Variants in DPP9 observed in about 807,000 individuals in gnomAD.
DPP9 encodes dipeptidyl peptidase 9, also known as dipeptidyl peptidase IV-related protein-2.
DPP9 carries 50 observed loss-of-function variants against 110.7 expected under a neutral mutation model. The observed-to-expected ratio is 0.45, with a 90% CI of 0.36 to 0.57. The LOEUF (loss-of-function observed/expected upper bound fraction) is 0.57. Ranked by LOEUF, DPP9 falls within the 20% of genes least tolerant of loss-of-function variation. The pLI is 0.00. For synonymous variants in DPP9, 561 were observed against 514.4 expected (o/e 1.09, Z -1.23); for missense variants, 1,022 against 1,217.9 (o/e 0.84, Z 2.39).
In DPP9 at chr19:4,704,906, G is replaced by C. The variant is rs1009486117; in HGVS notation, c.427-602C>G. Among the ~76,000 whole-genome samples, 3 of 152,222 alleles carry C rather than the reference G, an allele frequency of 2.0e-5. No individual in the cohort carries two copies. Among genetic ancestry groups the C allele is most frequent in the African/African-American group, 7.2e-5 (3 of 41,458 alleles). ...CCCAGCTACTTGGGACGCTGAGGCAGAAGAATCACTTGAACCGGGAGGCAG... is the reference window on the plus strand; with the variant it reads ...CCCAGCTACTTGGGACGCTGAGGCACAAGAATCACTTGAACCGGGAGGCAG... On this transcript the variant is annotated intron_variant, in intron 5 of 21. Coordinates refer to ENST00000262960, the MANE Select transcript of DPP9 (RefSeq NM_139159.5). This position sits in a 1 kb window ranked among gnomAD's most constrained non-coding sequence, Gnocchi z 6.0.
Position 4,713,440 on chromosome 19 carries a change from C to T in DPP9, c.313+641G>A, listed in dbSNP as rs536948464. On this transcript the variant is annotated intron_variant, in intron 4 of 21. Coordinates refer to ENST00000262960, the MANE Select transcript of DPP9 (RefSeq NM_139159.5). Reference sequence around the variant, plus strand: ...CTCGTGGTGCAGAGGAGCCCAGTCCCGTGAGGCACTGCAGACGCTGCAGGA... The same window carrying T: ...CTCGTGGTGCAGAGGAGCCCAGTCCTGTGAGGCACTGCAGACGCTGCAGGA... Among the ~76,000 whole-genome samples, 8 of 152,348 alleles carry T rather than the reference C, an allele frequency of 5.3e-5. No individual in the cohort carries two copies. The South Asian group carries it at 6.2e-4, about 12-fold the overall frequency.
chr19:4,681,938 T>A lies in DPP9; in HGVS notation c.2474+758A>T, dbSNP rs561819276. Reference sequence around the variant, plus strand: ...ATCTCGGCTCACTGCAAGCTCCGCCTCCCGGGTTCACGCCATTCTCCTGCC... The same window carrying A: ...ATCTCGGCTCACTGCAAGCTCCGCCACCCGGGTTCACGCCATTCTCCTGCC... On this transcript the variant is annotated intron_variant, in intron 20 of 21. Coordinates refer to ENST00000262960, the MANE Select transcript of DPP9 (RefSeq NM_139159.5). 7.7e-5 allele frequency among the ~76,000 whole-genome samples: 11 copies of A among 142,668 alleles called. 1 individual carries two copies. Among genetic ancestry groups the A allele is most frequent in the African/African-American group, 2.9e-4 (11 of 38,108 alleles). 93.6% of individuals were successfully genotyped at this position (142,668 alleles called of 152,430 possible). A position where few individuals can be genotyped will look rare whatever the true frequency, so the allele number is the denominator to read the frequency against.
In DPP9 at chr19:4,685,738, A is replaced by C; in HGVS notation, c.1919T>G (p.Phe640Cys). 1 of 1,613,400 alleles carries C rather than the reference A, an allele frequency of 6.2e-7. No individual in the cohort carries two copies. ...CPPDYVPPEIFHFHTRSDVRL... is the reference protein window; with the variant it reads ...CPPDYVPPEICHFHTRSDVRL... ...CACATCCGAGCGCGTGTGGAAATGG[A>C]AGATCTCTGGAGGAACATAATCCGG... The change falls in exon 17 of 22, where the codon TTC becomes TGC. Residue 640 changes from phenylalanine to cysteine, a missense_variant. Phe to Cys is a radical substitution (Grantham distance 205, BLOSUM62 -2). This residue lies in a region of DPP9 where 810 missense variants were observed against 920.6 expected (regional missense o/e 0.88). Coordinates refer to ENST00000262960, the MANE Select transcript of DPP9 (RefSeq NM_139159.5). This position sits in a 1 kb window ranked among gnomAD's most constrained non-coding sequence, Gnocchi z 5.8.
intron 4 of DPP9, among the ~76,000 whole-genome samples, chr19:4,713,756 G>A (rs571245363): frequency 3.3e-5 from 5 of 152,292 alleles, no homozygotes; most frequent in African/African-American, 9.6e-5. Context: ...GGGTGGACCC[G>A]GCTGACTAGC....
At position 4,697,592 on chromosome 19, in the gene DPP9, C is replaced by T. The variant is rs2145638471; in HGVS notation, c.1134G>A (p.Val378=). 6.2e-7 allele frequency: 1 copy of T among 1,613,934 alleles called. No homozygotes were observed. The highest frequency in any genetic ancestry group is 8.5e-7 in the Non-Finnish European group (1 of 1,179,870). The change falls in exon 11 of 22, where the codon GTG becomes GTA. Residue 378 remains valine, a synonymous_variant. Transcript: ENST00000262960. ...VQPFSSLFPK[V]EYIARAGWTR... ...TCCACCCGGCCCTGGCGATGTACTC[C>T]ACCTTCGGGAACAGCGAGCTGAAGG...
Position 4,689,704 on chromosome 19 carries a change from T to C in DPP9, c.1615A>G (p.Thr539Ala). 2.6e-6 allele frequency: 4 copies of C among 1,551,968 alleles called. No individual in the cohort carries two copies. Among genetic ancestry groups the C allele is most frequent in the Non-Finnish European group, 3.5e-6 (4 of 1,147,178 alleles). ...HGSKIWVNEE[T>A]KLVYFQGTKD... ...GTGCCCTGGAAGTACACCAGCTTGG[T>C]CTCCTCATTGACCCAGATCTGCAGG... is the stretch of plus-strand genomic sequence containing the variant. The change falls in exon 15 of 22, where the codon ACC becomes GCC. Residue 539 changes from threonine (T) to alanine (A), a missense_variant. Physicochemically the swap from Thr to Ala is moderately conservative, Grantham distance 58 (BLOSUM62 0). Around this residue, in one of 3 missense-constraint regions of DPP9, gnomAD observed 810 missense variants for 920.6 expected, o/e 0.88. Coordinates refer to ENST00000262960, the MANE Select transcript of DPP9 (RefSeq NM_139159.5). The surrounding 1 kb of genome is among the most constrained non-coding windows in gnomAD (Gnocchi z 7.0).
intron 4 of DPP9, among the ~76,000 whole-genome samples, chr19:4,712,322 G>A (rs1357289721): frequency 6.6e-6 from 1 of 152,230 alleles, no homozygotes; most frequent in African/African-American, 2.4e-5. Context: ...GCTGAGGCAG[G>A]AGGACTGCTT....
At chr19:4,701,610 C>T (rs2092263425) in intron 9 of DPP9, among the ~76,000 whole-genome samples, 1 of 152,242 alleles carries the variant, frequency 6.6e-6, no homozygotes, top group South Asian at 2.1e-4. Flanking sequence ...GTGACATTTT[C>T]GCTAATATGA....
intron 7 of DPP9, among the ~76,000 whole-genome samples, chr19:4,703,304 C>T (rs990336398): frequency 3.3e-5 from 5 of 152,006 alleles, no homozygotes; most frequent in South Asian, 2.1e-4. Flanking sequence ...TCCAGAGCAC[C>T]GTGGCTGGGC....
chr19:4,692,240 A>G (rs1038386728), intron 13 of DPP9, among the ~76,000 whole-genome samples: 3 of 152,094 alleles, frequency 2.0e-5, no homozygotes, highest in African/African-American at 7.2e-5. Flanking sequence ...GTAAAGAATG[A>G]CAGTGCGGGG....
chr19:4,679,590 C>A, intron 21 of DPP9: 1 of 529,558 alleles, frequency 1.9e-6, no homozygotes, highest in South Asian at 2.2e-5. Context: ...GTGTGGCAGC[C>A]CCCGATCCCG....
At position 4,693,879 on chromosome 19, in the gene DPP9, C is replaced by T. The variant is rs946731015; in HGVS notation, c.1516+782G>A. On this transcript the variant is annotated intron_variant, in intron 13 of 21. Transcript: ENST00000262960. The surrounding 1 kb of genome is among the most constrained non-coding windows in gnomAD (Gnocchi z 5.0). Reference sequence around the variant, plus strand: ...AGCCACAGGGGCCTCCTCCCTATTCCTCCAACATGCCAGGAACAGTCCTGC... The same window carrying T: ...AGCCACAGGGGCCTCCTCCCTATTCTTCCAACATGCCAGGAACAGTCCTGC... 1.3e-5 allele frequency among the ~76,000 whole-genome samples: 2 copies of T among 152,082 alleles called. No homozygotes were observed. Among genetic ancestry groups the T allele is most frequent in the Admixed American group, 6.6e-5 (1 of 15,258 alleles).
chr19:4,702,825 G>A, intron 7 of DPP9, 109 bp from the exon 8 acceptor site: 1 of 141,736 alleles, frequency 7.1e-6, no homozygotes, highest in Non-Finnish European at 1.3e-5. Context: ...AAGGAGGGAA[G>A]GAAAGGGAAG....
rs1479652400 is a variant in DPP9, at chr19:4,676,602, C to A, written c.2641G>T (p.Glu881Ter). 2 of 1,608,892 alleles carry A rather than the reference C, an allele frequency of 1.2e-6. No individual in the cohort carries two copies. Among genetic ancestry groups the A allele is most frequent in the African/African-American group, 1.3e-5 (1 of 74,954 alleles). Residue 881 changes from glutamate (E) to a stop codon, truncating the protein, a stop_gained, in exon 22 of 22, where the codon GAA becomes TAA. Transcript: ENST00000262960. LOFTEE classifies it high-confidence loss of function. The surrounding 1 kb of genome is among the most constrained non-coding windows in gnomAD (Gnocchi z 4.0). ...TGTAGAAAGTGCAGCAACGTGACTT[C>A]ATAGTGCTCGCCCGACTCGGGGCAG... ...IRCPESGEHY[E>*]VTLLHFLQEY...
At chr19:4,720,616 G>T (rs749710679) in intron 2 of DPP9, among the ~76,000 whole-genome samples, 12 of 152,184 alleles carry the variant, frequency 7.9e-5, no homozygotes, top group Admixed American at 3.3e-4. Flanking sequence ...AACTGGGGGC[G>T]ATTTGGCCCC....
Position 4,714,342 on chromosome 19 carries a change from G to T in DPP9, c.57-5C>A. ...CCCTCGGAATTCAGCGAGAAGCTGC[G>T]GGGAGGAAGCAAAGACTATGAGAAA... On this transcript the variant is annotated splice_polypyrimidine_tract_variant and splice_region_variant and intron_variant, in intron 3 of 21. Coordinates refer to ENST00000262960, the MANE Select transcript of DPP9 (RefSeq NM_139159.5). 6.7e-7 allele frequency: 1 copy of T among 1,489,064 alleles called. No homozygotes were observed. Among genetic ancestry groups the T allele is most frequent in the African/African-American group, 1.4e-5 (1 of 71,230 alleles). 92.2% of individuals were successfully genotyped at this position (1,489,064 alleles called of 1,614,324 possible).
intron 21 of DPP9, among the ~76,000 whole-genome samples, chr19:4,678,621 G>A (rs1194143808): frequency 6.6e-6 from 1 of 152,088 alleles, no homozygotes; most frequent in Non-Finnish European, 1.5e-5. Flanking sequence ...TCCCTGGGCT[G>A]CTTGGGATGT....
At position 4,694,862 on chromosome 19, in the gene DPP9, G is replaced by A; in HGVS notation, c.1354-39C>T. On this transcript the variant is annotated intron_variant, in intron 12 of 21. Transcript: ENST00000262960. The surrounding 1 kb of genome is among the most constrained non-coding windows in gnomAD (Gnocchi z 4.0). ...AGATAGAAGATGCGTCAGAAGGTGT[G>A]GGTGGCCGGGCATGGTGGCTCACAC... 6.2e-7 allele frequency: 1 copy of A among 1,604,868 alleles called. No homozygotes were observed. Among genetic ancestry groups the A allele is most frequent in the Non-Finnish European group, 8.5e-7 (1 of 1,174,820 alleles).
In DPP9 at chr19:4,688,892, T is replaced by A; in HGVS notation, c.1750A>T (p.Asn584Tyr). Residue 584 changes from asparagine (N) to tyrosine (Y), a missense_variant and splice_region_variant, in exon 16 of 22, where the codon AAC (asparagine) becomes TAC (tyrosine). Transcript: ENST00000262960. The stretch of plus-strand genomic sequence containing the variant: ...TAGTGGCTGACGAACATGTCGAAGT[T>A]CTGGGGGTGGAATGGGGTGATGAGC... ...GFSHSCSMSQ[N>Y]FDMFVSHYSS... The A allele has an allele frequency of 6.6e-7, 1 of 1,517,202 alleles. No individual in the cohort carries two copies. Among genetic ancestry groups the A allele is most frequent in the South Asian group, 1.3e-5 (1 of 77,592 alleles). 94.0% of individuals were successfully genotyped at this position (1,517,202 alleles called of 1,614,324 possible). A position where few individuals can be genotyped will look rare whatever the true frequency, so the allele number is the denominator to read the frequency against.
Sources: allele counts gnomAD v4.1 joint callset (sites outside exome capture counted in the v4.1 genomes callset), GRCh38; gene constraint gnomAD v4.1.1; regional missense constraint gnomAD v4.1.1; non-coding constraint Gnocchi (gnomAD v3.1); transcripts MANE v1.5; gene names NCBI Gene and HGNC (gene_info 2026-07-23, HGNC 2026-07-21).